Variants in ADCY3 observed in about 807,000 individuals in gnomAD.
The protein encoded by ADCY3 is adenylate cyclase 3, also known as adenylate cyclase type 3.
ADCY3 carries 70 observed loss-of-function variants against 119.4 expected under a neutral mutation model. The observed-to-expected ratio is 0.59, with a 90% CI of 0.48 to 0.72. The LOEUF (loss-of-function observed/expected upper bound fraction) is 0.72. Among genes scored for constraint, ADCY3 ranks in the 30% least tolerant of loss-of-function variants. The pLI, the probability that ADCY3 is intolerant of heterozygous loss-of-function variation, is 0.00. For synonymous variants in ADCY3, 672 were observed against 621.4 expected, an observed-to-expected ratio of 1.08 and a Z score of -1.21; for missense variants, 1,238 against 1,541.6, an observed-to-expected ratio of 0.80 and a Z score of 3.30.
At chr2:24,889,706 C>T (rs1182725804) in intron 2 of ADCY3, among the ~76,000 whole-genome samples, 1 of 152,132 alleles carries the variant, frequency 6.6e-6, no homozygotes, top group Non-Finnish European at 1.5e-5. Flanking sequence ...CGTGATGGCA[C>T]ATGCCTGTAA....
chr2:24,841,136 G>T lies in ADCY3; in HGVS notation c.1196+123C>A. The T allele has an allele frequency of 8.5e-7, 1 of 1,170,998 alleles. No individual in the cohort carries two copies. Among genetic ancestry groups the T allele is most frequent in the Non-Finnish European group, 1.2e-6 (1 of 859,572 alleles). 72.5% of individuals were successfully genotyped at this position (1,170,998 alleles called of 1,614,324 possible). ...ACCCATCAACCAGTGCTGTGTCCCA[G>T]TCTCTGCTTCCAGCAGATCCCCCAC... is the stretch of plus-strand genomic sequence containing the variant. On this transcript the variant is annotated intron_variant, in intron 6 of 21. Transcript: ENST00000679454. The surrounding 1 kb of genome is among the most constrained non-coding windows in gnomAD (Gnocchi z 5.8).
intron 2 of ADCY3, among the ~76,000 whole-genome samples, chr2:24,877,486 C>T (rs1230470455): frequency 2.0e-5 from 3 of 152,160 alleles, no homozygotes; most frequent in African/African-American, 7.2e-5. Context: ...CTGAGGACAG[C>T]GGACAGGGTA....
chr2:24,846,735 T>A (rs1671699086), intron 3 of ADCY3, among the ~76,000 whole-genome samples: 1 of 152,120 alleles, frequency 6.6e-6, no homozygotes, highest in African/African-American at 2.4e-5. Context: ...CCTGCCCCCA[T>A]GCCCGGCTAA....
At chr2:24,826,262 A>C in intron 15 of ADCY3, 136 bp from the exon 16 acceptor site, 1 of 720,894 alleles carries the variant, frequency 1.4e-6, no homozygotes, top group Non-Finnish European at 2.3e-6. Flanking sequence ...GCCCTTTCAC[A>C]TCAAGTCGGG....
At chr2:24,858,679 A>G (rs1003649412) in intron 3 of ADCY3, among the ~76,000 whole-genome samples, 6 of 152,224 alleles carry the variant, frequency 3.9e-5, no homozygotes, top group Admixed American at 3.9e-4. Flanking sequence ...CTACAACTCT[A>G]CAGTTCTCCA....
chr2:24,842,546 G>C lies in ADCY3; in HGVS notation c.826-162C>G, dbSNP rs1671144152. On this transcript the variant is annotated intron_variant, in intron 3 of 21. Transcript: ENST00000679454. The surrounding 1 kb of genome is among the most constrained non-coding windows in gnomAD (Gnocchi z 4.9). ...AGATCTGCCTCGGGAGCAGCCAGGG[G>C]TCTGGGACAGGCAGCTTCTGGCCCT... 1 of 911,524 alleles carries C rather than the reference G, an allele frequency of 1.1e-6. No homozygotes were observed. The highest frequency in any genetic ancestry group is 1.7e-5 in the African/African-American group (1 of 59,892). 56.5% of individuals were successfully genotyped at this position (911,524 alleles called of 1,614,324 possible).
intron 3 of ADCY3, among the ~76,000 whole-genome samples, chr2:24,865,441 C>G (rs895474200): frequency 1.6e-4 from 24 of 148,768 alleles, no homozygotes; most frequent in African/African-American, 6.0e-4. Flanking sequence ...GACTCTGTCT[C>G]AAAAAAAGAA....
Position 24,919,047 on chromosome 2 carries a change from G to A in ADCY3, c.-60C>T, listed in dbSNP as rs1664807674. 4.8e-6 allele frequency: 7 copies of A among 1,467,708 alleles called. No individual in the cohort carries two copies. Among genetic ancestry groups the A allele is most frequent in the African/African-American group, 1.4e-5 (1 of 71,300 alleles). The allele number at this position is 1,467,708 out of a possible 1,614,324, so 90.9% of individuals were successfully genotyped here. A position where few individuals can be genotyped will look rare whatever the true frequency, so the allele number is the denominator to read the frequency against. On this transcript the variant is annotated 5_prime_UTR_variant, in exon 2 of 22. Transcript: ENST00000679454. This position sits in a 1 kb window ranked among gnomAD's most constrained non-coding sequence, Gnocchi z 5.5. ...GGACTGGGAACGGAGGAAGAGCTCT[G>A]GACTGGGCCTCCTCTCAGGGCTCTC...
At chr2:24,915,675 G>A (rs1664611307) in intron 2 of ADCY3, among the ~76,000 whole-genome samples, 1 of 152,066 alleles carries the variant, frequency 6.6e-6, no homozygotes, top group Non-Finnish European at 1.5e-5. Context: ...TGTGTAGCTG[G>A]GATTATAAGC....
intron 2 of ADCY3, among the ~76,000 whole-genome samples, chr2:24,891,035 A>AT (rs1677590878): frequency 6.6e-6 from 1 of 151,610 alleles, no homozygotes; most frequent in South Asian, 2.1e-4. Context: ...ACACCCAGCA[A>AT]TTTTTTCATA....
At position 24,833,480 on chromosome 2, in the gene ADCY3, CAAACA is replaced by C. The variant is rs1487556022; in HGVS notation, c.1967+1000_1967+1004del. 4.6e-5 allele frequency among the ~76,000 whole-genome samples: 7 copies of C among 152,202 alleles called. No individual in the cohort carries two copies. The East Asian group carries it at 7.7e-4, about 17-fold the overall frequency. ...GCTCTGACCATCCCACATCAAAATG[CAAACA>C]AAACAAAACAAAGCTCCCCAGCAGC... On this transcript the variant is annotated intron_variant, in intron 11 of 21. Transcript: ENST00000679454.
chr2:24,892,883 C>T (rs1677845255), intron 2 of ADCY3, among the ~76,000 whole-genome samples: 1 of 151,798 alleles, frequency 6.6e-6, no homozygotes, highest in Non-Finnish European at 1.5e-5. Flanking sequence ...AGGCTGGTCT[C>T]GAACTCCCGG....
At chr2:24,839,770 T>G (rs1670777017) in intron 7 of ADCY3, 103 bp downstream of exon 7, 5 of 1,536,112 alleles carry the variant, frequency 3.3e-6, no homozygotes, top group Non-Finnish European at 2.7e-6. Flanking sequence ...TAGGGAGGCC[T>G]TCTCTGAGGC....
chr2:24,893,614 T>C (rs1677946668), intron 2 of ADCY3, among the ~76,000 whole-genome samples: 1 of 143,470 alleles, frequency 7.0e-6, no homozygotes. Flanking sequence ...TTTTTTTTTT[T>C]CTTTTTTCAA....
intron 2 of ADCY3, among the ~76,000 whole-genome samples, chr2:24,874,051 G>C (rs1361681898): frequency 6.6e-6 from 1 of 152,196 alleles, no homozygotes; most frequent in Non-Finnish European, 1.5e-5. Flanking sequence ...GTTCTCACAT[G>C]AATTTTCTGG....
At chr2:24,823,422 G>A in intron 17 of ADCY3, 67 bp from the exon 18 acceptor site, 3 of 1,545,866 alleles carry the variant, frequency 1.9e-6, no homozygotes, top group East Asian at 2.3e-5. Flanking sequence ...TTGGAGAAAT[G>A]CATCTATCTT....
At chr2:24,837,897 T>C (rs1170602953) in intron 8 of ADCY3, among the ~76,000 whole-genome samples, 1 of 152,136 alleles carries the variant, frequency 6.6e-6, no homozygotes. Flanking sequence ...CAACCCACAG[T>C]ATTTTTTGTT....
intron 3 of ADCY3, among the ~76,000 whole-genome samples, chr2:24,850,032 T>C (rs1672111017): frequency 6.6e-6 from 1 of 151,976 alleles, no homozygotes; most frequent in Admixed American, 6.5e-5. Context: ...GACTGTTTCC[T>C]CTTCTCGGTA....
intron 3 of ADCY3, among the ~76,000 whole-genome samples, chr2:24,846,289 C>A (rs1671642791): frequency 6.6e-6 from 1 of 152,184 alleles, no homozygotes. Context: ...CAAAGCCAGC[C>A]TATGAAAGCA....
Sources: allele counts gnomAD v4.1 joint callset (sites outside exome capture counted in the v4.1 genomes callset), GRCh38; gene constraint gnomAD v4.1.1; non-coding constraint Gnocchi (gnomAD v3.1); transcripts MANE v1.5; gene names NCBI Gene and HGNC (gene_info 2026-07-23, HGNC 2026-07-21).